The following CAP2 variants were observed in gnomAD, a reference collection of about 807,000 sequenced individuals.
CAP2 encodes the protein cyclase associated actin cytoskeleton regulatory protein 2, also known as adenylyl cyclase-associated protein 2.
CAP2 carries 24 observed loss-of-function variants against 57.7 expected under a neutral mutation model. The observed-to-expected ratio is 0.42, with a 90% confidence interval of 0.30 to 0.58. The LOEUF (loss-of-function observed/expected upper bound fraction) is 0.58. Ranked by LOEUF, CAP2 falls within the 20% of genes least tolerant of loss-of-function variation. The pLI is 0.22. For missense variants in CAP2, 501 were observed against 590.3 expected (o/e 0.85, Z 1.57); for synonymous variants, 194 against 207.2 (o/e 0.94, Z 0.55).
At chr6:17,545,686 A>AT (rs2113705446) in intron 11 of CAP2, among the ~76,000 whole-genome samples, 1 of 152,180 alleles carries the variant, frequency 6.6e-6, no homozygotes, top group Non-Finnish European at 1.5e-5. Context: ...TCCTAATGCT[A>AT]TCCCTCCCCC....
chr6:17,500,810 T>C (rs1761801897), intron 4 of CAP2, among the ~76,000 whole-genome samples: 1 of 152,230 alleles, frequency 6.6e-6, no homozygotes, highest in South Asian at 2.1e-4. Flanking sequence ...TTGACACTTT[T>C]TGATGTATAT....
intron 3 of CAP2, among the ~76,000 whole-genome samples, chr6:17,430,961 A>C (rs1385753936): frequency 2.6e-5 from 4 of 152,194 alleles, no homozygotes; most frequent in Non-Finnish European, 4.4e-5. Flanking sequence ...TTCCTAACCC[A>C]AGTCTTTTTT....
rs530472199 is a variant in CAP2, at chr6:17,435,211, G to T, written c.222+8521G>T. On this transcript the variant is annotated intron_variant, in intron 3 of 12. Coordinates refer to ENST00000229922, the MANE Select transcript of CAP2 (RefSeq NM_006366.3). ...TATCCAAATGAGTATAAATCATGCT[G>T]CTATAAAGACACATGCACACGTATG... Among the ~76,000 whole-genome samples, 6 of 106,636 alleles carry T rather than the reference G, an allele frequency of 5.6e-5. No homozygotes were observed. In the South Asian group the frequency reaches 2.2e-3, roughly 39 times the overall value. The allele number at this position is 106,636 out of a possible 152,430, so 70.0% of individuals were successfully genotyped here. A position where few individuals can be genotyped will look rare whatever the true frequency, so the allele number is the denominator to read the frequency against.
At chr6:17,506,785 T>C (rs1215742923) in intron 4 of CAP2, among the ~76,000 whole-genome samples, 2 of 152,188 alleles carry the variant, frequency 1.3e-5, no homozygotes, top group African/African-American at 4.8e-5. Context: ...CCTTCCGGTC[T>C]TACCCAAATT....
intron 1 of CAP2, among the ~76,000 whole-genome samples, chr6:17,417,925 T>A (rs1483417988): frequency 1.3e-5 from 2 of 152,238 alleles, no homozygotes; most frequent in Non-Finnish European, 2.9e-5. Context: ...TTCCTTACCC[T>A]GACCTTGCTG....
At chr6:17,434,449 G>A (rs532115512) in intron 3 of CAP2, among the ~76,000 whole-genome samples, 4 of 152,138 alleles carry the variant, frequency 2.6e-5, no homozygotes, top group South Asian at 4.2e-4. Context: ...GGCTGGTCTC[G>A]AATTCCTGAC....
intron 11 of CAP2, among the ~76,000 whole-genome samples, chr6:17,547,433 A>G (rs115703246): frequency 6.6e-6 from 1 of 152,180 alleles, no homozygotes; most frequent in Non-Finnish European, 1.5e-5. Context: ...CAAAATTCCC[A>G]TTAAAATTCT....
chr6:17,400,204 C>G (rs1017677648), intron 1 of CAP2, among the ~76,000 whole-genome samples: 2 of 152,078 alleles, frequency 1.3e-5, no homozygotes, highest in Non-Finnish European at 2.9e-5. Context: ...CCAGTGTGGG[C>G]AACAGAATGA....
At chr6:17,410,231 C>G (rs1759102752) in intron 1 of CAP2, among the ~76,000 whole-genome samples, 1 of 152,160 alleles carries the variant, frequency 6.6e-6, no homozygotes, top group African/African-American at 2.4e-5. Flanking sequence ...CCACCACATC[C>G]CTGCACACCT....
intron 4 of CAP2, among the ~76,000 whole-genome samples, chr6:17,498,553 A>G (rs1009209987): frequency 3.3e-5 from 5 of 152,062 alleles, no homozygotes; most frequent in Admixed American, 2.0e-4. Flanking sequence ...AAATAGTTCT[A>G]TGTCCCAGGC....
intron 1 of CAP2, among the ~76,000 whole-genome samples, chr6:17,400,726 G>C (rs547537235): frequency 6.6e-6 from 1 of 151,602 alleles, no homozygotes; most frequent in South Asian, 2.1e-4. Context: ...TTAGCCAGGC[G>C]TGGTGGCAGG....
In CAP2 at chr6:17,539,398, T is replaced by C. The variant is rs141374232; in HGVS notation, c.766T>C (p.Ser256Pro). 1.2e-5 allele frequency: 20 copies of C among 1,614,104 alleles called. No homozygotes were observed. The highest frequency in any genetic ancestry group is 1.7e-5 in the Non-Finnish European group (20 of 1,180,048). ...CGAGAATGAAGGCAAAAAAGAGGAATCTTCTCCTTCACGCTCAGCTTTATT... is the reference window on the plus strand; with the variant it reads ...CGAGAATGAAGGCAAAAAAGAGGAACCTTCTCCTTCACGCTCAGCTTTATT... The part of the protein sequence containing the change: ...LFENEGKKEE[S>P]SPSRSALFAQ... The change falls in exon 8 of 13, where the codon TCT becomes CCT. Residue 256 changes from serine (S) to proline (P), a missense_variant. Ser to Pro is a moderately conservative substitution (Grantham distance 74, BLOSUM62 -1). Coordinates refer to ENST00000229922, the MANE Select transcript of CAP2 (RefSeq NM_006366.3).
intron 4 of CAP2, among the ~76,000 whole-genome samples, chr6:17,493,097 T>C (rs1339613833): frequency 6.6e-6 from 1 of 152,202 alleles, no homozygotes; most frequent in African/African-American, 2.4e-5. Context: ...ACTATTACCT[T>C]CTTTAGAGAG....
chr6:17,468,040 C>G (rs1346602880), intron 4 of CAP2, among the ~76,000 whole-genome samples: 1 of 152,128 alleles, frequency 6.6e-6, no homozygotes, highest in South Asian at 2.1e-4. Context: ...ATTTTTAGAT[C>G]CCATAAATAA....
At chr6:17,406,698 T>TA (rs1038102367) in intron 1 of CAP2, among the ~76,000 whole-genome samples, 27 of 152,112 alleles carry the variant, frequency 1.8e-4, no homozygotes, top group African/African-American at 6.0e-4. Flanking sequence ...TGCCCAGGTT[T>TA]CTTTAGAAAA....
intron 4 of CAP2, among the ~76,000 whole-genome samples, chr6:17,487,186 G>A (rs897390460): frequency 3.3e-5 from 5 of 152,144 alleles, no homozygotes; most frequent in African/African-American, 1.2e-4. Flanking sequence ...TCCCTTACCT[G>A]CCTTTCGGAG....
intron 12 of CAP2, among the ~76,000 whole-genome samples, chr6:17,553,703 G>T (rs1175805488): frequency 3.3e-5 from 5 of 151,966 alleles, no homozygotes; most frequent in Admixed American, 3.3e-4. Context: ...ACATGTTCTC[G>T]GTTGGAGCTG....
intron 4 of CAP2, among the ~76,000 whole-genome samples, chr6:17,482,466 G>A (rs1347658393): frequency 5.7e-5 from 8 of 141,314 alleles, no homozygotes; most frequent in Non-Finnish European, 9.0e-5. Context: ...CCGAGATCGC[G>A]CCACTGCACT....
At chr6:17,531,905 T>C (rs1435450706) in intron 7 of CAP2, among the ~76,000 whole-genome samples, 1 of 152,016 alleles carries the variant, frequency 6.6e-6, no homozygotes, top group African/African-American at 2.4e-5. Flanking sequence ...TACAATTACT[T>C]CTTTGTGCAT....
Sources: gnomAD v4.1 joint callset for allele counts (sites outside exome capture counted in the v4.1 genomes callset) on GRCh38, gnomAD v4.1.1 for gene constraint, MANE v1.5 for transcripts, NCBI Gene and HGNC (gene_info 2026-07-23, HGNC 2026-07-21) for gene names.